TTC7A: variants seen among roughly 807,000 people sequenced by gnomAD.
The protein encoded by TTC7A is tetratricopeptide repeat domain 7A.
In TTC7A, 110 loss-of-function variants were observed where a neutral mutation model predicts 103.7. That is an observed-to-expected ratio of 1.06 (90% CI 0.91 to 1.24). The LOEUF (loss-of-function observed/expected upper bound fraction) is 1.24. Among genes scored for constraint, TTC7A ranks in the 50% most tolerant of loss-of-function variants. TTC7A has a pLI of 0.00. For missense variants in TTC7A, 1,340 were observed against 1,116.3 expected (o/e 1.20, Z -2.86); for synonymous variants, 521 against 467.9 (o/e 1.11, Z -1.47).
Position 46,980,285 on chromosome 2 carries a change from T to A in TTC7A, c.764+1378T>A, listed in dbSNP as rs528118769. Among the ~76,000 whole-genome samples, 29 of 149,438 alleles carry A rather than the reference T, an allele frequency of 1.9e-4. No homozygotes were observed. The South Asian group carries it at 3.4e-3, about 18-fold the overall frequency. On this transcript the variant is annotated intron_variant, in intron 5 of 19. Coordinates refer to ENST00000319190, the MANE Select transcript of TTC7A (RefSeq NM_020458.4). Reference sequence around the variant, plus strand: ...TCCAGGCTGGAGTGCAATGGTGTGATCATGGCTCACTGTACCTCCTGCGTT... The same window carrying A: ...TCCAGGCTGGAGTGCAATGGTGTGAACATGGCTCACTGTACCTCCTGCGTT...
At chr2:47,065,185 T>G (rs1301108719) in intron 19 of TTC7A, among the ~76,000 whole-genome samples, 1 of 152,130 alleles carries the variant, frequency 6.6e-6, no homozygotes, top group Non-Finnish European at 1.5e-5. Flanking sequence ...TACTCGGGAA[T>G]CTGAGGCAGG....
chr2:47,020,204 T>C (rs990464005), intron 11 of TTC7A, among the ~76,000 whole-genome samples: 5 of 152,198 alleles, frequency 3.3e-5, no homozygotes, highest in Non-Finnish European at 5.9e-5. Context: ...ATGAGGACCT[T>C]GGGACACAGA....
chr2:46,988,403 A>G (rs940129044), intron 5 of TTC7A, among the ~76,000 whole-genome samples: 2 of 152,250 alleles, frequency 1.3e-5, no homozygotes, highest in East Asian at 1.9e-4. Flanking sequence ...TCACCCGTTC[A>G]GCTGTTGGGA....
chr2:46,947,283 G>A (rs886566024), intron 1 of TTC7A, among the ~76,000 whole-genome samples: 1 of 152,020 alleles, frequency 6.6e-6, no homozygotes, highest in African/African-American at 2.4e-5. Context: ...TACCTTTCAG[G>A]GCTGTAGAGA....
intron 8 of TTC7A, 36 bp from the exon 9 acceptor site, chr2:47,005,886 C>G: frequency 6.2e-7 from 1 of 1,612,726 alleles, no homozygotes; most frequent in Non-Finnish European, 8.5e-7. Flanking sequence ...CTTATCTACT[C>G]TCCTCACTCT....
intron 6 of TTC7A, among the ~76,000 whole-genome samples, chr2:46,993,762 C>T (rs1558549952): frequency 6.6e-6 from 1 of 152,214 alleles, no homozygotes; most frequent in Non-Finnish European, 1.5e-5. Flanking sequence ...TTCAGATCTA[C>T]TGCCAGCGCT....
Position 46,993,457 on chromosome 2 carries a change from G to A in TTC7A, c.772G>A (p.Val258Met), listed in dbSNP as rs372978581. The change falls in exon 6 of 20, where the codon GTG becomes ATG. Residue 258 changes from valine to methionine, a missense_variant. Physicochemically the swap from Val to Met is conservative, Grantham distance 21. Transcript: ENST00000319190. Reference protein sequence around the residue: ...YVKNLKKGNIVKGMRELREVL... With the variant: ...YVKNLKKGNIMKGMRELREVL... ...CTGCCGTCCTCCCACCAGGAACATC[G>A]TGAAGGGCATGAGAGAGCTCCGGGA... 21 of 1,614,180 alleles carry A rather than the reference G, an allele frequency of 1.3e-5. No individual in the cohort carries two copies. The highest frequency in any genetic ancestry group is 8.0e-5 in the African/African-American group (6 of 75,048).
chr2:47,051,278 G>T (rs1682833188), intron 17 of TTC7A, among the ~76,000 whole-genome samples: 1 of 152,118 alleles, frequency 6.6e-6, no homozygotes, highest in Non-Finnish European at 1.5e-5. Context: ...TTATAAAAAT[G>T]TGGTCCTATT....
chr2:47,064,679 C>T (rs1479876079), intron 19 of TTC7A, among the ~76,000 whole-genome samples: 1 of 152,270 alleles, frequency 6.6e-6, no homozygotes, highest in African/African-American at 2.4e-5. Context: ...GGAGTCCCAA[C>T]AGTGACTGGT....
chr2:46,916,277 T>A (rs1246051684), exon 1 of TTC7A: 1 of 669,318 alleles, frequency 1.5e-6, no homozygotes, highest in Admixed American at 6.3e-5. Context: ...GAGCCGGCCT[T>A]GGACCCTACG....
Position 47,052,013 on chromosome 2 carries a change from G to A in TTC7A, c.2152+133G>A, listed in dbSNP as rs1049089324. 1.6e-5 allele frequency: 19 copies of A among 1,183,030 alleles called. No individual in the cohort carries two copies. In the African/African-American group the frequency reaches 2.2e-4, roughly 13 times the overall value. The allele number at this position is 1,183,030 out of a possible 1,614,324, so 73.3% of individuals were successfully genotyped here. A position where few individuals can be genotyped will look rare whatever the true frequency, so the allele number is the denominator to read the frequency against. ...GGCCCACGCGGGTTACAGAGTCCTC[G>A]CCTCTGGCTGTGGGTCTCCTTCTCT... On this transcript the variant is annotated intron_variant, in intron 18 of 19. Coordinates refer to ENST00000319190, the MANE Select transcript of TTC7A (RefSeq NM_020458.4).
intron 15 of TTC7A, among the ~76,000 whole-genome samples, chr2:47,042,318 A>G (rs1681837749): frequency 1.3e-5 from 2 of 152,290 alleles, no homozygotes; most frequent in African/African-American, 4.8e-5. Flanking sequence ...CCTAGGCAAC[A>G]TAGTGAGACC....
chr2:47,072,261 G>T (rs933622271), intron 19 of TTC7A, among the ~76,000 whole-genome samples: 5 of 152,136 alleles, frequency 3.3e-5, no homozygotes, highest in African/African-American at 9.7e-5. Flanking sequence ...GTCCTCCCCT[G>T]GCCTCTGCAC....
intron 5 of TTC7A, among the ~76,000 whole-genome samples, chr2:46,990,272 C>G (rs1173365200): frequency 6.6e-6 from 1 of 152,230 alleles, no homozygotes; most frequent in African/African-American, 2.4e-5. Context: ...TGGGCTGTCC[C>G]CTTAGCTGGC....
chr2:46,980,423 G>A (rs1674327930), intron 5 of TTC7A, among the ~76,000 whole-genome samples: 1 of 151,916 alleles, frequency 6.6e-6, no homozygotes, highest in Non-Finnish European at 1.5e-5. Flanking sequence ...TGTTGCCCAG[G>A]CTGGTCTCAA....
intron 19 of TTC7A, among the ~76,000 whole-genome samples, chr2:47,070,075 G>A (rs1314377080): frequency 6.6e-6 from 1 of 152,244 alleles, no homozygotes; most frequent in Non-Finnish European, 1.5e-5. Context: ...CCCCTCAAAG[G>A]AAGAAGAAGC....
intron 8 of TTC7A, among the ~76,000 whole-genome samples, chr2:46,997,000 A>T (rs1289028403): frequency 6.6e-6 from 1 of 151,692 alleles, no homozygotes; most frequent in Non-Finnish European, 1.5e-5. Context: ...GTTTTTTGAG[A>T]CAGAGTCTCC....
chr2:46,978,596 C>A, intron 4 of TTC7A, 196 bp from the exon 5 acceptor site: 2 of 346,844 alleles, frequency 5.8e-6, no homozygotes, highest in Non-Finnish European at 5.4e-6. Flanking sequence ...TTGTGGGCAT[C>A]TAACGGTTGG....
chr2:46,978,739 C>A, intron 4 of TTC7A, 53 bp from the exon 5 acceptor site: 3 of 1,459,330 alleles, frequency 2.1e-6, no homozygotes, highest in Non-Finnish European at 2.9e-6. Context: ...TGCTGAGTGA[C>A]CCTCTGCCTC....
Sources: gnomAD v4.1 joint callset for allele counts (sites outside exome capture counted in the v4.1 genomes callset) on GRCh38, gnomAD v4.1.1 for gene constraint, MANE v1.5 for transcripts, NCBI Gene and HGNC (gene_info 2026-07-23, HGNC 2026-07-21) for gene names.